Variants in AHI1 observed in about 807,000 individuals in gnomAD.
AHI1 encodes Abelson helper integration site 1, also known as jouberin.
AHI1 carries 123 observed loss-of-function variants against 149.3 expected under a neutral mutation model. That is an observed-to-expected ratio of 0.82 (90% CI 0.71 to 0.96). The LOEUF (loss-of-function observed/expected upper bound fraction) is 0.96, where lower values mean the gene tolerates loss of function less well. Ranked by LOEUF, AHI1 falls within the 40% of genes least tolerant of loss-of-function variation. AHI1 has a pLI of 0.00. For synonymous variants in AHI1, 475 were observed against 459.8 expected (o/e 1.03, Z -0.42); for missense variants, 1,439 against 1,422.7 (o/e 1.01, Z -0.18).
At chr6:135,432,140 A>C (rs1307393632) in intron 16 of AHI1, among the ~76,000 whole-genome samples, 5 of 152,128 alleles carry the variant, frequency 3.3e-5, no homozygotes, top group Non-Finnish European at 7.4e-5. Flanking sequence ...TCTTTCCTGA[A>C]TATGTTCCAA....
intron 23 of AHI1, among the ~76,000 whole-genome samples, chr6:135,376,921 A>AAAAAAAAAAAAAAG (rs1776025303): frequency 1.6e-5 from 2 of 128,690 alleles, no homozygotes; most frequent in African/African-American, 5.7e-5. Context: ...AAAAAAAAAA[A>AAAAAAAAAAAAAAG]GTTGGTCCAG....
At chr6:135,457,197 T>C (rs1008887983) in intron 9 of AHI1, among the ~76,000 whole-genome samples, 2 of 152,166 alleles carry the variant, frequency 1.3e-5, no homozygotes, top group Non-Finnish European at 2.9e-5. Context: ...GGCAGTAGAA[T>C]CGCTTGAACC....
In AHI1 at chr6:135,409,405, AG is replaced by A. The variant is rs368268536; in HGVS notation, c.2961+1942del. Among the ~76,000 whole-genome samples the A allele has an allele frequency of 1.8e-3, 267 of 152,248 alleles. 1 individual carries two copies. The highest frequency in any genetic ancestry group is 6.2e-3 in the African/African-American group (259 of 41,562). Reference sequence around the variant, plus strand: ...GAAATAATTGCAAGTGTATTTCCCTAGTTTTTAAAAAGATCTGGATTTTCAT... The same window carrying A: ...GAAATAATTGCAAGTGTATTTCCCTATTTTTAAAAAGATCTGGATTTTCAT... On this transcript the variant is annotated intron_variant, in intron 21 of 28. Coordinates refer to ENST00000265602, the MANE Select transcript of AHI1 (RefSeq NM_001134831.2).
At chr6:135,400,461 C>CA (rs996883987) in intron 22 of AHI1, among the ~76,000 whole-genome samples, 2,150 of 140,128 alleles carry the variant, frequency 0.015, 41 homozygotes, top group African/African-American at 0.045. Context: ...TGTAATACTT[C>CA]AAAAAAAAAA....
At position 135,466,036 on chromosome 6, in the gene AHI1, C is replaced by A. The variant is rs2128098025; in HGVS notation, c.527G>T (p.Gly176Val). The A allele has an allele frequency of 1.9e-6, 3 of 1,613,938 alleles. No homozygotes were observed. The highest frequency in any genetic ancestry group is 2.5e-6 in the Non-Finnish European group (3 of 1,179,872). The change falls in exon 7 of 29, where the codon GGA (glycine) becomes GTA (valine). Residue 176 changes from glycine (G) to valine (V), a missense_variant. Coordinates refer to ENST00000265602, the MANE Select transcript of AHI1 (RefSeq NM_001134831.2). ...DHQKSEKANE[G>V]REETDLEEDE... Reference sequence around the variant, plus strand: ...CTCTTCTAAATCAGTCTCTTCTCTTCCCTCATTTGCCTTCTCACTTTTCTG... The same window carrying A: ...CTCTTCTAAATCAGTCTCTTCTCTTACCTCATTTGCCTTCTCACTTTTCTG...
chr6:135,323,846 C>A (rs1372983930), intron 24 of AHI1, among the ~76,000 whole-genome samples: 3 of 152,166 alleles, frequency 2.0e-5, no homozygotes, highest in Admixed American at 6.5e-5. Context: ...TTTATATCAA[C>A]AACTTAAGCC....
chr6:135,404,881 G>T, intron 22 of AHI1, 70 bp downstream of exon 22: 1 of 1,372,966 alleles, frequency 7.3e-7, no homozygotes, highest in South Asian at 1.2e-5. Flanking sequence ...CTCTATGAAT[G>T]GTGCATTCCA....
At chr6:135,417,225 A>T (rs1463855728) in intron 20 of AHI1, among the ~76,000 whole-genome samples, 1 of 152,032 alleles carries the variant, frequency 6.6e-6, no homozygotes, top group Non-Finnish European at 1.5e-5. Flanking sequence ...GCTGCTATGA[A>T]TGGAAAATAA....
Position 135,384,815 on chromosome 6 carries a change from A to C in AHI1, c.3109+9961T>G, listed in dbSNP as rs137966457. ...TTTTTAAAATGTAAATTGGACAGGC[A>C]TGGTAGCTCACACCTATAATCCCAG... is the stretch of plus-strand genomic sequence containing the variant. On this transcript the variant is annotated intron_variant, in intron 23 of 28. Transcript: ENST00000265602. Among the ~76,000 whole-genome samples, 534 of 152,290 alleles carry C rather than the reference A, an allele frequency of 3.5e-3. 5 individuals carry two copies. Among genetic ancestry groups the C allele is most frequent in the African/African-American group, 0.012 (501 of 41,550 alleles).
intron 28 of AHI1, among the ~76,000 whole-genome samples, chr6:135,285,950 A>T (rs1039606406): frequency 7.2e-5 from 11 of 152,214 alleles, no homozygotes; most frequent in Non-Finnish European, 1.0e-4. Flanking sequence ...AAAACTCCAA[A>T]CCATAAGTAA....
chr6:135,285,599 T>G lies in AHI1; in HGVS notation c.*46A>C. 1 of 1,601,366 alleles carries G rather than the reference T, an allele frequency of 6.2e-7. No homozygotes were observed. Among genetic ancestry groups the G allele is most frequent in the African/African-American group, 1.3e-5 (1 of 74,684 alleles). ...AGAGAAATTCCATTTGGTTTGTCAT[T>G]TTCACCTCTGTGCATTTCGGCAGCT... On this transcript the variant is annotated 3_prime_UTR_variant, in exon 29 of 29. Transcript: ENST00000265602.
In AHI1 at chr6:135,466,173, TA is replaced by T; in HGVS notation, c.389del (p.Ile130LysfsTer7). 1 of 1,613,920 alleles carries T rather than the reference TA, an allele frequency of 6.2e-7. No homozygotes were observed. Among genetic ancestry groups the T allele is most frequent in the Non-Finnish European group, 8.5e-7 (1 of 1,179,854 alleles). ...GTGTAGTCAACTGGGGCACCGTCTT[TA>T]TCACCTTTTTATTTGGCTTTCCTTG... ...DKQGKPNKKV[I>X]KTVPQLTTQD... On this transcript the variant is annotated frameshift_variant, in exon 7 of 29. Coordinates refer to ENST00000265602, the MANE Select transcript of AHI1 (RefSeq NM_001134831.2). LOFTEE classifies it high-confidence loss of function.
rs1233861725 is a variant in AHI1 at position 135,467,728 on chromosome 6, G to A, written c.136-94C>T. On this transcript the variant is annotated intron_variant, in intron 5 of 28. Transcript: ENST00000265602. ...AATGTTCAACTATGTGGAATTATTG[G>A]GAAAATTATTTAGTTTTTTTACCTG... The A allele has an allele frequency of 9.2e-6, 8 of 867,846 alleles. No homozygotes were observed. The Admixed American group carries it at 2.4e-4, about 26-fold the overall frequency. 53.8% of individuals were successfully genotyped at this position (867,846 alleles called of 1,614,324 possible). A position where few individuals can be genotyped will look rare whatever the true frequency, so the allele number is the denominator to read the frequency against.
At chr6:135,388,200 C>T (rs1471829664) in intron 23 of AHI1, among the ~76,000 whole-genome samples, 2 of 152,264 alleles carry the variant, frequency 1.3e-5, no homozygotes, top group East Asian at 3.9e-4. Context: ...TATTGTACCA[C>T]CTGAAACACT....
At chr6:135,453,778 T>C (rs1047764571) in intron 10 of AHI1, among the ~76,000 whole-genome samples, 3 of 152,172 alleles carry the variant, frequency 2.0e-5, no homozygotes, top group Admixed American at 6.5e-5. Flanking sequence ...CTTTAAAGGA[T>C]TGTTTGTTTA....
chr6:135,288,165 T>G (rs1218583855), intron 28 of AHI1, among the ~76,000 whole-genome samples: 1 of 152,006 alleles, frequency 6.6e-6, no homozygotes, highest in African/African-American at 2.4e-5. Context: ...CCAATAGATC[T>G]TTCCTGAAGG....
Position 135,394,851 on chromosome 6 carries a change from G to T in AHI1, c.3034C>A (p.Gln1012Lys), listed in dbSNP as rs574086669. Residue 1012 changes from glutamine to lysine, a missense_variant, in exon 23 of 29, where the codon CAA becomes AAA. Transcript: ENST00000265602. ...TTTGACTGCTTTAACTTAGACTGTT[G>T]TGAGGAAACTGCTGGTGGTGAAGTA... Reference protein sequence around the residue: ...SFTSPPAVSSQQSKLKQSNML... With the variant: ...SFTSPPAVSSKQSKLKQSNML... 1.2e-6 allele frequency: 2 copies of T among 1,605,818 alleles called. No individual in the cohort carries two copies. Among genetic ancestry groups the T allele is most frequent in the African/African-American group, 1.3e-5 (1 of 74,928 alleles).
chr6:135,386,248 G>T (rs1319159297), intron 23 of AHI1, among the ~76,000 whole-genome samples: 12 of 147,006 alleles, frequency 8.2e-5, no homozygotes, highest in African/African-American at 2.7e-4. Flanking sequence ...AACATTTTTG[G>T]TAAAAAAAAA....
chr6:135,440,774 G>A (rs576333285), intron 14 of AHI1, among the ~76,000 whole-genome samples: 1 of 152,240 alleles, frequency 6.6e-6, no homozygotes, highest in Admixed American at 6.5e-5. Context: ...ATGACAGACA[G>A]TAAAGACTAC....
Sources: allele counts gnomAD v4.1 joint callset (sites outside exome capture counted in the v4.1 genomes callset), GRCh38; gene constraint gnomAD v4.1.1; transcripts MANE v1.5; gene names NCBI Gene and HGNC (gene_info 2026-07-23, HGNC 2026-07-21).